The following ARMS2 variants were observed in gnomAD, a reference collection of about 807,000 sequenced individuals.
ARMS2 encodes age-related maculopathy susceptibility 2, also known as age-related maculopathy susceptibility protein 2.
ARMS2 carries 4 observed loss-of-function variants against 6.0 expected under a neutral mutation model. That is an observed-to-expected ratio of 0.67 (90% CI 0.33 to 1.53). ARMS2 has a LOEUF of 1.53. Ranked by LOEUF, ARMS2 falls within the 40% of genes most tolerant of loss-of-function variation. The pLI is 0.06. For synonymous variants in ARMS2, 49 were observed against 51.7 expected (o/e 0.95, Z 0.22); for missense variants, 99 against 127.6 (o/e 0.78, Z 1.08).
At chr10:122,455,085 G>C in intron 1 of ARMS2, 61 bp downstream of exon 1, 1 of 867,304 alleles carries the variant, frequency 1.2e-6, no homozygotes, top group Non-Finnish European at 1.7e-6. Context: ...TTCTGGAGTG[G>C]TGCCCTGCAG....
intron 1 of ARMS2, among the ~76,000 whole-genome samples, 187 bp downstream of exon 1, chr10:122,455,211 G>A (rs1456783258): frequency 1.3e-5 from 2 of 152,158 alleles, no homozygotes; most frequent in African/African-American, 2.4e-5. Context: ...TGGAGAATTG[G>A]GAATATCAGT....
chr10:122,455,405 C>T (rs17623531), intron 1 of ARMS2, among the ~76,000 whole-genome samples: 14,161 of 152,112 alleles, frequency 0.093, 860 homozygotes, highest in Middle Eastern at 0.21. Context: ...TGCTTCTCGT[C>T]CGGGTTGTTA....
Position 122,457,223 on chromosome 10 carries a change from T to C in ARMS2, c.*290T>C, listed in dbSNP as rs913290694. 8.2e-6 allele frequency: 3 copies of C among 365,588 alleles called. No individual in the cohort carries two copies. The highest frequency in any genetic ancestry group is 9.8e-6 in the Non-Finnish European group (2 of 204,902). The allele number at this position is 365,588 out of a possible 1,614,324, so 22.6% of individuals were successfully genotyped here. ...ACCCTTGAGATGCAGCCCAATCTTC[T>C]CCTAACATCTGGATTCCTCTCTGTC... On this transcript the variant is annotated 3_prime_UTR_variant, in exon 2 of 2. Coordinates refer to ENST00000528446, the MANE Select transcript of ARMS2 (RefSeq NM_001099667.3).
rs1199903459 is a variant in ARMS2 at position 122,457,244 on chromosome 10, C to T, written c.*311C>T. ...CTTCTCCTAACATCTGGATTCCTCT[C>T]TGTCACTGCATTCCCTCCTGTCATC... is the stretch of plus-strand genomic sequence containing the variant. On this transcript the variant is annotated 3_prime_UTR_variant, in exon 2 of 2. Transcript: ENST00000528446. 3 of 324,746 alleles carry T rather than the reference C, an allele frequency of 9.2e-6. No individual in the cohort carries two copies. Among genetic ancestry groups the T allele is most frequent in the Non-Finnish European group, 1.7e-5 (3 of 179,728 alleles). 20.1% of individuals were successfully genotyped at this position (324,746 alleles called of 1,614,324 possible).
At position 122,456,959 on chromosome 10, in the gene ARMS2, A is replaced by C. The variant is rs1376188449; in HGVS notation, c.*26A>C. The C allele has an allele frequency of 6.4e-7, 1 of 1,551,466 alleles. No homozygotes were observed. The highest frequency in any genetic ancestry group is 1.4e-5 in the African/African-American group (1 of 73,140). On this transcript the variant is annotated 3_prime_UTR_variant, in exon 2 of 2. Coordinates refer to ENST00000528446, the MANE Select transcript of ARMS2 (RefSeq NM_001099667.3). ...TTCTGCCAAAACATATCTCCTTAAA[A>C]GCCAACTGGAGCTTCTCATCAGCAT... is the stretch of plus-strand genomic sequence containing the variant.
rs2097475734 is a variant in ARMS2, at chr10:122,454,708, A to G, written c.-20A>G. On this transcript the variant is annotated 5_prime_UTR_variant, in exon 1 of 2. Transcript: ENST00000528446. ...AAGGGGACAGCACCTTTGTCACCAC[A>G]TTATGTCCCTGTACCCTACATGCTG... is the stretch of plus-strand genomic sequence containing the variant. 3.1e-6 allele frequency: 5 copies of G among 1,608,658 alleles called. No individual in the cohort carries two copies. The highest frequency in any genetic ancestry group is 1.7e-5 in the Admixed American group (1 of 59,900).
In ARMS2 at chr10:122,454,692, G is replaced by A; in HGVS notation, c.-36G>A. 6.3e-7 allele frequency: 1 copy of A among 1,599,256 alleles called. No individual in the cohort carries two copies. The highest frequency in any genetic ancestry group is 8.5e-7 in the Non-Finnish European group (1 of 1,169,742). ...TGGCAGCTGGCTTGGCAAGGGGACA[G>A]CACCTTTGTCACCACATTATGTCCC... On this transcript the variant is annotated 5_prime_UTR_variant, in exon 1 of 2. Coordinates refer to ENST00000528446, the MANE Select transcript of ARMS2 (RefSeq NM_001099667.3).
At chr10:122,456,560 A>G (rs770510126) in intron 1 of ARMS2, among the ~76,000 whole-genome samples, 65 of 152,090 alleles carry the variant, frequency 4.3e-4, no homozygotes, top group Admixed American at 7.9e-4. Flanking sequence ...AGGCTGAGGC[A>G]GGAGAATCGC....
chr10:122,456,211 GTTTTGATTTGATA>G (rs1279971017), intron 1 of ARMS2, among the ~76,000 whole-genome samples: 1 of 150,948 alleles, frequency 6.6e-6, no homozygotes, highest in Non-Finnish European at 1.5e-5. Flanking sequence ...AGACATGAAT[GTTTTGATTTGATA>G]TTAGAAATGC....
chr10:122,456,893 T>TG lies in ARMS2; in HGVS notation c.298-14_298-13insG, dbSNP rs529644268. ...CTTTAAAAATGCATATTACTAAATCTATTTTTTTTTCAGTCTATCATCCAC... is the reference window on the plus strand; with the variant it reads ...CTTTAAAAATGCATATTACTAAATCTGATTTTTTTTTCAGTCTATCATCCAC... On this transcript the variant is annotated splice_polypyrimidine_tract_variant and intron_variant, in intron 1 of 1. Transcript: ENST00000528446. 2.9e-3 allele frequency: 4,459 copies of TG among 1,542,698 alleles called. 60 individuals carry two copies. In the African/African-American group the frequency reaches 0.041, roughly 14 times the overall value.
chr10:122,455,075 T>G, intron 1 of ARMS2, 51 bp downstream of exon 1: 1 of 1,057,008 alleles, frequency 9.5e-7, no homozygotes, highest in Non-Finnish European at 1.4e-6. Context: ...GAATCAGAAA[T>G]TCTGGAGTGG....
rs1165264766 is a variant in ARMS2, at chr10:122,457,091, C to G, written c.*158C>G. Reference sequence around the variant, plus strand: ...ACTGTCCACAGGACTCTCTTCCCACCTGCGGCCACACTGTGCAACCTGGAA... The same window carrying G: ...ACTGTCCACAGGACTCTCTTCCCACGTGCGGCCACACTGTGCAACCTGGAA... On this transcript the variant is annotated 3_prime_UTR_variant, in exon 2 of 2. Transcript: ENST00000528446. 1 of 934,062 alleles carries G rather than the reference C, an allele frequency of 1.1e-6. No homozygotes were observed. The highest frequency in any genetic ancestry group is 1.7e-5 in the African/African-American group (1 of 59,996). 57.9% of individuals were successfully genotyped at this position (934,062 alleles called of 1,614,324 possible). A position where few individuals can be genotyped will look rare whatever the true frequency, so the allele number is the denominator to read the frequency against.
Position 122,457,024 on chromosome 10 carries a change from C to T in ARMS2, c.*91C>T, listed in dbSNP as rs1452595005. 5 of 1,508,074 alleles carry T rather than the reference C, an allele frequency of 3.3e-6. No homozygotes were observed. The highest frequency in any genetic ancestry group is 2.0e-5 in the Admixed American group (1 of 50,256). 93.4% of individuals were successfully genotyped at this position (1,508,074 alleles called of 1,614,324 possible). A position where few individuals can be genotyped will look rare whatever the true frequency, so the allele number is the denominator to read the frequency against. Reference sequence around the variant, plus strand: ...AAATCCTTAGGAGGACAGAGGGAGTCCCTCACAACCTAGACTGGTCCCCTT... The same window carrying T: ...AAATCCTTAGGAGGACAGAGGGAGTTCCTCACAACCTAGACTGGTCCCCTT... On this transcript the variant is annotated 3_prime_UTR_variant, in exon 2 of 2. Coordinates refer to ENST00000528446, the MANE Select transcript of ARMS2 (RefSeq NM_001099667.3).
intron 1 of ARMS2, among the ~76,000 whole-genome samples, chr10:122,455,402 C>T (rs1052610538): frequency 3.3e-5 from 5 of 152,106 alleles, no homozygotes; most frequent in Admixed American, 1.3e-4. Flanking sequence ...GCCTGCTTCT[C>T]GTCCGGGTTG....
In ARMS2 at chr10:122,454,815, C is replaced by T. The variant is rs776020371; in HGVS notation, c.88C>T (p.Pro30Ser). The change falls in exon 1 of 2, where the codon CCT (proline) becomes TCT (serine). Residue 30 changes from proline to serine, a missense_variant. Pro to Ser is a moderately conservative substitution (Grantham distance 74, BLOSUM62 -1). Coordinates refer to ENST00000528446, the MANE Select transcript of ARMS2 (RefSeq NM_001099667.3). Reference protein sequence around the residue: ...EMASLSSSVVPVSFISTLRES... With the variant: ...EMASLSSSVVSVSFISTLRES... ...GGCAAGTCTGTCCTCCTCGGTGGTTCCTGTGTCCTTCATTTCCACTCTGCG... is the reference window on the plus strand; with the variant it reads ...GGCAAGTCTGTCCTCCTCGGTGGTTTCTGTGTCCTTCATTTCCACTCTGCG... The T allele has an allele frequency of 1.9e-6, 3 of 1,613,944 alleles. No homozygotes were observed. Among genetic ancestry groups the T allele is most frequent in the Admixed American group, 1.7e-5 (1 of 60,022 alleles).
chr10:122,457,086 C>G lies in ARMS2; in HGVS notation c.*153C>G. On this transcript the variant is annotated 3_prime_UTR_variant, in exon 2 of 2. Transcript: ENST00000528446. ...CCTCAACTGTCCACAGGACTCTCTT[C>G]CCACCTGCGGCCACACTGTGCAACC... The G allele has an allele frequency of 1.0e-6, 1 of 999,384 alleles. No homozygotes were observed. The highest frequency in any genetic ancestry group is 1.5e-6 in the Non-Finnish European group (1 of 686,524). The allele number at this position is 999,384 out of a possible 1,614,324, so 61.9% of individuals were successfully genotyped here. A position where few individuals can be genotyped will look rare whatever the true frequency, so the allele number is the denominator to read the frequency against.
chr10:122,455,034 G>T lies in ARMS2; in HGVS notation c.297+10G>T. 6.9e-7 allele frequency: 1 copy of T among 1,445,568 alleles called. No homozygotes were observed. The highest frequency in any genetic ancestry group is 9.6e-7 in the Non-Finnish European group (1 of 1,039,326). 89.5% of individuals were successfully genotyped at this position (1,445,568 alleles called of 1,614,324 possible). On this transcript the variant is annotated intron_variant, in intron 1 of 1. Transcript: ENST00000528446. ...GCACCACCTGACACTGGTAAGAAAT[G>T]CAGATGATCAGGCCTTACCCCAGAC...
Position 122,454,788 on chromosome 10 carries a change from A to G in ARMS2, c.61A>G (p.Met21Val), listed in dbSNP as rs1565396764. ...GGCGGAGGGGAAAGGAGGGCCTGAG[A>G]TGGCAAGTCTGTCCTCCTCGGTGGT... is the stretch of plus-strand genomic sequence containing the variant. ...TEAEGKGGPE[M>V]ASLSSSVVPV... Residue 21 changes from methionine (M) to valine (V), a missense_variant, in exon 1 of 2, where the codon ATG becomes GTG. Transcript: ENST00000528446. The G allele has an allele frequency of 6.2e-7, 1 of 1,613,958 alleles. No individual in the cohort carries two copies. Among genetic ancestry groups the G allele is most frequent in the Admixed American group, 1.7e-5 (1 of 60,024 alleles).
chr10:122,456,392 A>G (rs1210160276), intron 1 of ARMS2, among the ~76,000 whole-genome samples: 1 of 151,990 alleles, frequency 6.6e-6, no homozygotes, highest in Non-Finnish European at 1.5e-5. Context: ...ATGGTGGCTC[A>G]TGGCTGTATA....
Sources: allele counts gnomAD v4.1 joint callset (sites outside exome capture counted in the v4.1 genomes callset), GRCh38; gene constraint gnomAD v4.1.1; transcripts MANE v1.5; gene names NCBI Gene and HGNC (gene_info 2026-07-23, HGNC 2026-07-21).